The following LLGL2 variants were observed in gnomAD, a reference collection of about 807,000 sequenced individuals.
LLGL2 encodes the protein LLGL scribble cell polarity complex component 2, also known as LLGL2, scribble cell polarity complex component.
In LLGL2, 81 loss-of-function variants were observed where a neutral mutation model predicts 123.2. That is an observed-to-expected ratio of 0.66 (90% confidence interval 0.55 to 0.79). The LOEUF is 0.79. Ranked by LOEUF, LLGL2 falls within the 30% of genes least tolerant of loss-of-function variation. The pLI is 0.00. For synonymous variants in LLGL2, 577 were observed against 594.1 expected (o/e 0.97, Z 0.42); for missense variants, 1,273 against 1,414.6 (o/e 0.90, Z 1.61).
At position 75,534,552 on chromosome 17, in the gene LLGL2, C is replaced by T. The variant is rs147468219; in HGVS notation, c.-31+8727C>T. 3.1e-3 allele frequency among the ~76,000 whole-genome samples: 465 copies of T among 152,272 alleles called. 3 individuals carry two copies. Among genetic ancestry groups the T allele is most frequent in the African/African-American group, 0.011 (443 of 41,564 alleles). On this transcript the variant is annotated intron_variant, in intron 1 of 25. Transcript: ENST00000392550. ...CTGGAGCACAGTGGTGCCATCATAGCTCACTGCAGCCTCAACCTCCTGGGC... is the reference window on the plus strand; with the variant it reads ...CTGGAGCACAGTGGTGCCATCATAGTTCACTGCAGCCTCAACCTCCTGGGC...
Position 75,564,605 on chromosome 17 carries a change from G to A in LLGL2, c.1036+98G>A, listed in dbSNP as rs2055366629. 9 of 1,558,928 alleles carry A rather than the reference G, an allele frequency of 5.8e-6. No individual in the cohort carries two copies. In the South Asian group the frequency reaches 1.1e-4, roughly 19 times the overall value. ...GGGCCAGGTGCAGTGGCTCCTGCCT[G>A]TAACCCCAGTGCTGTGGGAGGCCAA... On this transcript the variant is annotated intron_variant, in intron 10 of 25. Transcript: ENST00000392550. The surrounding 1 kb of genome is among the most constrained non-coding windows in gnomAD (Gnocchi z 4.9).
intron 20 of LLGL2, 54 bp downstream of exon 20, chr17:75,573,332 A>G: frequency 1.3e-6 from 2 of 1,563,922 alleles, no homozygotes; most frequent in South Asian, 2.4e-5. Flanking sequence ...CACGGACGGG[A>G]AGGGTGGCCA....
At chr17:75,555,355 C>A (rs938820024) in intron 2 of LLGL2, among the ~76,000 whole-genome samples, 1 of 149,206 alleles carries the variant, frequency 6.7e-6, no homozygotes, top group African/African-American at 2.5e-5. Context: ...CTGCCGGGTT[C>A]GCACCATTCT....
At chr17:75,546,782 ACGGAGGGCAGGTCCAGCAGACAGG>A (rs1410785015) in intron 2 of LLGL2, among the ~76,000 whole-genome samples, 137 of 2,724 alleles carry the variant, frequency 0.05, 50 homozygotes, top group Middle Eastern at 0.33. Context: ...CAGCAGACAG[ACGGAGGGCAGGTCCAGCAGACAGG>A]CGGAGGGCAG....
chr17:75,530,649 C>CAA (rs35452644), intron 1 of LLGL2, among the ~76,000 whole-genome samples: 16 of 137,316 alleles, frequency 1.2e-4, no homozygotes, highest in African/African-American at 2.5e-4. Context: ...GACTCCATTT[C>CAA]AAAAAAAAAA....
intron 1 of LLGL2, among the ~76,000 whole-genome samples, chr17:75,535,684 G>A (rs984384542): frequency 6.6e-6 from 1 of 152,224 alleles, no homozygotes; most frequent in African/African-American, 2.4e-5. Flanking sequence ...AGAGCGAGGG[G>A]GGCCCAAGGC....
intron 10 of LLGL2, among the ~76,000 whole-genome samples, chr17:75,567,159 ACAAGC>A (rs959370023): frequency 2.0e-5 from 3 of 152,150 alleles, no homozygotes; most frequent in Non-Finnish European, 4.4e-5. Context: ...AGCAGGGAAG[ACAAGC>A]ACTTCAAAGA....
chr17:75,533,620 G>C (rs1002778128), intron 1 of LLGL2: 1 of 152,054 alleles, frequency 6.6e-6, no homozygotes, highest in African/African-American at 2.4e-5. Flanking sequence ...AGTATTTTCT[G>C]ATGCCTCTTG....
Position 75,571,017 on chromosome 17 carries a change from G to A in LLGL2, c.2093G>A (p.Arg698His), listed in dbSNP as rs778437766. ...AACATGGAGCTGGCGCCTGTGCAGC[G>A]CAAGATCGAGGCTCGCTCGGCAGAG... ...LQNMELAPVQRKIEARSAEDS... is the reference protein window; with the variant it reads ...LQNMELAPVQHKIEARSAEDS... Residue 698 changes from arginine to histidine, a missense_variant, in exon 17 of 26, where the codon CGC becomes CAC. Transcript: ENST00000392550. 27 of 1,612,964 alleles carry A rather than the reference G, an allele frequency of 1.7e-5. No individual in the cohort carries two copies. The highest frequency in any genetic ancestry group is 9.9e-5 in the South Asian group (9 of 91,080).
intron 1 of LLGL2, among the ~76,000 whole-genome samples, chr17:75,541,789 G>A (rs2054221341): frequency 7.6e-6 from 1 of 131,690 alleles, no homozygotes; most frequent in South Asian, 2.5e-4. Flanking sequence ...GAGTGCAATG[G>A]CCTGATCTTG....
chr17:75,531,163 C>G (rs2053771697), intron 1 of LLGL2, among the ~76,000 whole-genome samples: 1 of 152,114 alleles, frequency 6.6e-6, no homozygotes, highest in African/African-American at 2.4e-5. Flanking sequence ...CATTGTGCCC[C>G]CTTTCAACCT....
chr17:75,553,242 G>C (rs1454002397), intron 2 of LLGL2, among the ~76,000 whole-genome samples: 1 of 152,228 alleles, frequency 6.6e-6, no homozygotes, highest in Non-Finnish European at 1.5e-5. Context: ...GGCCCTATCT[G>C]TCCCCCTGGC....
chr17:75,548,786 T>G (rs9909269), intron 2 of LLGL2, among the ~76,000 whole-genome samples: 3,393 of 150,698 alleles, frequency 0.023, 57 homozygotes, highest in Non-Finnish European at 0.036. Flanking sequence ...AGAAGTATAC[T>G]TTGGGGTAGC....
At chr17:75,536,647 C>T (rs1013076495) in intron 1 of LLGL2, among the ~76,000 whole-genome samples, 2 of 152,126 alleles carry the variant, frequency 1.3e-5, no homozygotes, top group African/African-American at 4.8e-5. Context: ...CTCTTTGATC[C>T]TCTTATCCAC....
In LLGL2 at chr17:75,543,400, T is replaced by C; in HGVS notation, c.-27T>C. The C allele has an allele frequency of 6.3e-7, 1 of 1,591,398 alleles. No homozygotes were observed. Among genetic ancestry groups the C allele is most frequent in the Non-Finnish European group, 8.6e-7 (1 of 1,167,264 alleles). On this transcript the variant is annotated 5_prime_UTR_variant, in exon 2 of 26. Transcript: ENST00000392550. Reference sequence around the variant, plus strand: ...GCAGCTCCTTCTGTTTCTCCAGGTCTCCAGTGGGGGCTGCAGACTAAGCAA... The same window carrying C: ...GCAGCTCCTTCTGTTTCTCCAGGTCCCCAGTGGGGGCTGCAGACTAAGCAA...
intron 23 of LLGL2, 51 bp downstream of exon 23, chr17:75,574,311 G>A: frequency 6.7e-7 from 1 of 1,486,642 alleles, no homozygotes; most frequent in Non-Finnish European, 9.1e-7. Context: ...GGGAAGGGGG[G>A]TCAGGGTCAA....
intron 1 of LLGL2, among the ~76,000 whole-genome samples, chr17:75,542,330 G>T (rs2054246289): frequency 6.6e-6 from 1 of 152,074 alleles, no homozygotes. Context: ...GGGCTGCCCT[G>T]TCTCTACCTG....
intron 10 of LLGL2, 162 bp from the exon 11 acceptor site, chr17:75,568,314 C>A: frequency 6.9e-7 from 1 of 1,440,220 alleles, no homozygotes; most frequent in East Asian, 2.5e-5. Context: ...CTACTGCCCA[C>A]ACCTGCTGCC....
chr17:75,548,529 G>A (rs1026083045), intron 2 of LLGL2, among the ~76,000 whole-genome samples: 2 of 152,174 alleles, frequency 1.3e-5, no homozygotes, highest in East Asian at 1.9e-4. Flanking sequence ...GCCGGGCGCC[G>A]TGTCTCCTGC....
Sources: allele counts gnomAD v4.1 joint callset (sites outside exome capture counted in the v4.1 genomes callset), GRCh38; gene constraint gnomAD v4.1.1; non-coding constraint Gnocchi (gnomAD v3.1); transcripts MANE v1.5; gene names NCBI Gene and HGNC (gene_info 2026-07-23, HGNC 2026-07-21).